NUP133: variants seen among roughly 807,000 people sequenced by gnomAD.
NUP133 encodes nucleoporin 133, also known as nuclear pore complex protein Nup133.
In NUP133, 66 loss-of-function variants were observed where a neutral mutation model predicts 146.2. That is an observed-to-expected ratio of 0.45 (90% CI 0.37 to 0.55). The LOEUF is 0.55. NUP133 is among the 20% of genes least tolerant of loss of function. The probability of loss-of-function intolerance (pLI) is 0.00; values close to 1 mark genes in which losing one functional copy is unlikely to be tolerated. For missense variants in NUP133, 1,277 were observed against 1,374.8 expected, an observed-to-expected ratio of 0.93 and a Z score of 1.12; for synonymous variants, 521 against 498.8, an observed-to-expected ratio of 1.04 and a Z score of -0.59.
Position 229,476,121 on chromosome 1 carries a change from G to GAA in NUP133, c.1757-391_1757-390dup, listed in dbSNP as rs370573103. 7.2e-3 allele frequency among the ~76,000 whole-genome samples: 909 copies of GAA among 126,522 alleles called. 11 individuals carry two copies. The highest frequency in any genetic ancestry group is 0.024 in the African/African-American group (834 of 34,398). 83.0% of individuals were successfully genotyped at this position (126,522 alleles called of 152,430 possible). ...AGACTCGGTCTCAAAAAAGAAAAGG[G>GAA]AAAAAAAAAAAAAGTCTATACAAAA... On this transcript the variant is annotated intron_variant, in intron 13 of 25. Coordinates refer to ENST00000261396, the MANE Select transcript of NUP133 (RefSeq NM_018230.3).
At chr1:229,457,485 C>T (rs376102279) in intron 21 of NUP133, among the ~76,000 whole-genome samples, 5 of 152,186 alleles carry the variant, frequency 3.3e-5, no homozygotes, top group East Asian at 3.8e-4. Context: ...AACCCACATA[C>T]ATCCTCCCAT....
At chr1:229,454,164 AG>A (rs2102750695) in intron 21 of NUP133, among the ~76,000 whole-genome samples, 1 of 152,312 alleles carries the variant, frequency 6.6e-6, no homozygotes, top group East Asian at 1.9e-4. Flanking sequence ...CACATCTCCT[AG>A]GCAGCAAGGG....
intron 12 of NUP133, among the ~76,000 whole-genome samples, chr1:229,483,588 C>T (rs1487759351): frequency 6.6e-6 from 1 of 151,430 alleles, no homozygotes; most frequent in African/African-American, 2.4e-5. Context: ...GCCTGCAGTC[C>T]CAGCTACTTG....
intron 24 of NUP133, among the ~76,000 whole-genome samples, chr1:229,445,400 C>T (rs187738615): frequency 3.9e-5 from 6 of 152,258 alleles, no homozygotes; most frequent in African/African-American, 9.6e-5. Context: ...ACTGCAGCTT[C>T]GAACTCCTCC....
intron 14 of NUP133, among the ~76,000 whole-genome samples, chr1:229,472,126 TG>T (rs1436956617): frequency 2.7e-5 from 4 of 150,736 alleles, no homozygotes; most frequent in African/African-American, 7.3e-5. Context: ...GAGACCATCC[TG>T]GCTGAAACAG....
At chr1:229,478,006 TGTTCACA>T (rs1460357471) in intron 12 of NUP133, among the ~76,000 whole-genome samples, 2 of 152,148 alleles carry the variant, frequency 1.3e-5, no homozygotes, top group Non-Finnish European at 2.9e-5. Flanking sequence ...ATAATTAGAA[TGTTCACA>T]ACATACAAAA....
intron 14 of NUP133, among the ~76,000 whole-genome samples, chr1:229,474,752 T>C (rs1018141309): frequency 1.3e-5 from 2 of 152,014 alleles, no homozygotes; most frequent in Non-Finnish European, 2.9e-5. Context: ...AGAATCTCCT[T>C]AACATAAAAA....
Position 229,496,025 on chromosome 1 carries a change from C to A in NUP133, c.842G>T (p.Arg281Ile). ...CAGGCTATAAAAGCTTGATCTCTCT[C>A]TATCCCAGAGAACACTTGAAAGCTA... ...DLTLSSVLWD[R>I]ERSSFYSLTS... The change falls in exon 7 of 26, where the codon AGA becomes ATA. Residue 281 changes from arginine to isoleucine, a missense_variant. Coordinates refer to ENST00000261396, the MANE Select transcript of NUP133 (RefSeq NM_018230.3). 8 of 1,595,132 alleles carry A rather than the reference C, an allele frequency of 5.0e-6. No homozygotes were observed. The highest frequency in any genetic ancestry group is 6.8e-6 in the Non-Finnish European group (8 of 1,174,344).
intron 12 of NUP133, among the ~76,000 whole-genome samples, chr1:229,478,776 A>T (rs1661139139): frequency 6.6e-6 from 1 of 152,202 alleles, no homozygotes; most frequent in Admixed American, 6.5e-5. Flanking sequence ...AAACCATGTT[A>T]TGGGGTTTGA....
chr1:229,455,361 C>G (rs1660537519), intron 21 of NUP133, among the ~76,000 whole-genome samples: 1 of 152,062 alleles, frequency 6.6e-6, no homozygotes, highest in Non-Finnish European at 1.5e-5. Flanking sequence ...AGTTTTGAGA[C>G]CAGCCTGGGT....
chr1:229,502,188 A>G lies in NUP133; in HGVS notation c.302-86T>C, dbSNP rs1661818219. On this transcript the variant is annotated intron_variant, in intron 2 of 25. Transcript: ENST00000261396. ...TTTATCAAAAAAAAGTAATTGGCAC[A>G]CTCAGAAACGACTACCTCACAACAA... is the stretch of plus-strand genomic sequence containing the variant. The G allele has an allele frequency of 3.2e-6, 3 of 939,638 alleles. No individual in the cohort carries two copies. The African/African-American group carries it at 4.9e-5, about 15-fold the overall frequency. 58.2% of individuals were successfully genotyped at this position (939,638 alleles called of 1,614,324 possible).
At chr1:229,456,471 T>A (rs1387276817) in intron 21 of NUP133, among the ~76,000 whole-genome samples, 1 of 152,192 alleles carries the variant, frequency 6.6e-6, no homozygotes, top group Admixed American at 6.5e-5. Context: ...TTACTACCAA[T>A]CTTTTGATGT....
At chr1:229,487,040 C>A (rs1661369220) in intron 10 of NUP133, among the ~76,000 whole-genome samples, 1 of 152,070 alleles carries the variant, frequency 6.6e-6, no homozygotes, top group South Asian at 2.1e-4. Context: ...TGTCCTCTGC[C>A]CAACCCCTTC....
chr1:229,503,602 T>A (rs1005822397), intron 2 of NUP133, among the ~76,000 whole-genome samples: 3 of 152,210 alleles, frequency 2.0e-5, no homozygotes, highest in Non-Finnish European at 4.4e-5. Context: ...TACAGAAAGG[T>A]AGAAGGGTGA....
chr1:229,472,724 A>G (rs535808083), intron 14 of NUP133, among the ~76,000 whole-genome samples: 17 of 147,686 alleles, frequency 1.2e-4, no homozygotes, highest in African/African-American at 4.0e-4. Flanking sequence ...ATATATATAT[A>G]TATGTACAAT....
intron 8 of NUP133, among the ~76,000 whole-genome samples, chr1:229,491,474 A>G (rs80269803): frequency 0.029 from 4,339 of 152,204 alleles, 204 homozygotes; most frequent in African/African-American, 0.097. Flanking sequence ...GTGAGACCAT[A>G]TATCTCTAAA....
At chr1:229,446,606 C>T (rs1015124559) in intron 24 of NUP133, among the ~76,000 whole-genome samples, 2 of 151,480 alleles carry the variant, frequency 1.3e-5, no homozygotes, top group Non-Finnish European at 2.9e-5. Context: ...TGGTGGCAGG[C>T]ACCTGTAGTC....
chr1:229,508,236 G>T lies in NUP133; in HGVS notation c.14C>A (p.Ala5Asp). Residue 5 changes from alanine (A) to aspartate (D), a missense_variant, in exon 1 of 26, where the codon GCC (alanine) becomes GAC (aspartate). By Grantham distance (126) the Ala-to-Asp change is moderately radical. Around this residue, in one of 3 missense-constraint regions of NUP133, gnomAD observed 319 missense variants for 306.9 expected, o/e 1.04. Transcript: ENST00000261396. MFPA[A>D]PSPRTPGTGS... The stretch of plus-strand genomic sequence containing the variant: ...GGTACCCGGGGTCCGCGGAGAAGGG[G>T]CGGCTGGGAACATGACTCCAAGGAG... 1 of 1,535,910 alleles carries T rather than the reference G, an allele frequency of 6.5e-7. No individual in the cohort carries two copies. Among genetic ancestry groups the T allele is most frequent in the Non-Finnish European group, 8.7e-7 (1 of 1,143,344 alleles).
At chr1:229,451,757 T>C (rs1305896768) in intron 22 of NUP133, among the ~76,000 whole-genome samples, 1 of 152,238 alleles carries the variant, frequency 6.6e-6, no homozygotes. Flanking sequence ...TTTTATTTTG[T>C]TGTTCTTGAA....
Sources: allele counts gnomAD v4.1 joint callset (sites outside exome capture counted in the v4.1 genomes callset), GRCh38; gene constraint gnomAD v4.1.1; regional missense constraint gnomAD v4.1.1; transcripts MANE v1.5; gene names NCBI Gene and HGNC (gene_info 2026-07-23, HGNC 2026-07-21).